Variants in RAD51B observed in about 807,000 individuals in gnomAD.
RAD51B encodes DNA repair protein RAD51 homolog 2.
In RAD51B, 38 loss-of-function variants were observed where a neutral mutation model predicts 42.2. The observed-to-expected ratio is 0.90, with a 90% confidence interval of 0.70 to 1.18. The LOEUF (loss-of-function observed/expected upper bound fraction) is 1.18. Ranked by LOEUF, RAD51B falls within the 50% of genes most tolerant of loss-of-function variation. RAD51B has a pLI of 0.00. For synonymous variants in RAD51B, 154 were observed against 145.2 expected, an observed-to-expected ratio of 1.06 and a Z score of -0.43; for missense variants, 373 against 400.7, an observed-to-expected ratio of 0.93 and a Z score of 0.59.
intron 10 of RAD51B, among the ~76,000 whole-genome samples, chr14:68,574,009 C>T (rs1003614258): frequency 2.1e-5 from 3 of 141,822 alleles, no homozygotes; most frequent in Admixed American, 6.9e-5. Context: ...TGTGTGTGCT[C>T]ACTCACATGT....
At chr14:68,269,453 A>G (rs2081060274) in intron 7 of RAD51B, among the ~76,000 whole-genome samples, 1 of 152,044 alleles carries the variant, frequency 6.6e-6, no homozygotes, top group South Asian at 2.1e-4. Context: ...GGACCTTTCT[A>G]CACATCTCCC....
intron 10 of RAD51B, among the ~76,000 whole-genome samples, chr14:68,520,313 A>G (rs1886485398): frequency 6.6e-6 from 1 of 152,208 alleles, no homozygotes; most frequent in South Asian, 2.1e-4. Context: ...CCAAAGCCAC[A>G]TGTAAAACTT....
chr14:68,403,217 T>C (rs1446807924), intron 8 of RAD51B, among the ~76,000 whole-genome samples: 1 of 152,232 alleles, frequency 6.6e-6, no homozygotes, highest in Admixed American at 6.5e-5. Flanking sequence ...CTGCAGGGAC[T>C]GGAGGGACCA....
chr14:68,355,879 A>G (rs572992732), intron 8 of RAD51B, among the ~76,000 whole-genome samples: 1 of 152,364 alleles, frequency 6.6e-6, no homozygotes, highest in East Asian at 1.9e-4. Context: ...GTGACAGTAT[A>G]TAATATTCCA....
intron 7 of RAD51B, among the ~76,000 whole-genome samples, chr14:68,272,961 G>A (rs922213366): frequency 1.3e-5 from 2 of 151,774 alleles, no homozygotes; most frequent in Non-Finnish European, 2.9e-5. Context: ...TGGGATTACA[G>A]GCGTGAGCCA....
chr14:67,991,598 AG>A (rs1357009188), intron 7 of RAD51B, among the ~76,000 whole-genome samples: 3 of 152,346 alleles, frequency 2.0e-5, no homozygotes, highest in African/African-American at 7.2e-5. Context: ...TTAACCTGGA[AG>A]GAGAACTCTG....
chr14:68,657,394 T>C (rs1011259064), intron 11 of RAD51B, among the ~76,000 whole-genome samples: 1 of 152,238 alleles, frequency 6.6e-6, no homozygotes, highest in African/African-American at 2.4e-5. Context: ...TTGCCCAGAC[T>C]GGTCTCGACC....
At chr14:68,025,612 T>C (rs1289015994) in intron 7 of RAD51B, among the ~76,000 whole-genome samples, 2 of 151,786 alleles carry the variant, frequency 1.3e-5, no homozygotes, top group East Asian at 3.9e-4. Flanking sequence ...GGAGACTGTG[T>C]GTTTCCAGGA....
intron 10 of RAD51B, among the ~76,000 whole-genome samples, chr14:68,623,764 GAATATGATGGATAA>G (rs1892007878): frequency 5.3e-5 from 8 of 152,202 alleles, no homozygotes; most frequent in Admixed American, 4.6e-4. Context: ...GAAGGTAATA[GAATATGATGGATAA>G]ACCAGTAGGG....
chr14:68,278,427 G>A (rs1372722988), intron 7 of RAD51B, among the ~76,000 whole-genome samples: 2 of 152,172 alleles, frequency 1.3e-5, no homozygotes, highest in African/African-American at 4.8e-5. Flanking sequence ...ATGGTGTTAC[G>A]ATGAGGATGA....
chr14:68,108,409 A>G (rs1464951355), intron 7 of RAD51B, among the ~76,000 whole-genome samples: 2 of 152,042 alleles, frequency 1.3e-5, no homozygotes, highest in Non-Finnish European at 2.9e-5. Context: ...AATGTGGTAT[A>G]TTTGTACAGT....
At chr14:68,244,852 C>T (rs1360790328) in intron 7 of RAD51B, among the ~76,000 whole-genome samples, 1 of 152,146 alleles carries the variant, frequency 6.6e-6, no homozygotes, top group African/African-American at 2.4e-5. Flanking sequence ...ACATGGATTT[C>T]CTAGACTTTC....
intron 10 of RAD51B, among the ~76,000 whole-genome samples, chr14:68,627,823 G>A (rs1415770046): frequency 1.3e-5 from 2 of 152,024 alleles, no homozygotes; most frequent in Non-Finnish European, 2.9e-5. Flanking sequence ...TCTTTCTTCT[G>A]CATAAAATTT....
intron 7 of RAD51B, among the ~76,000 whole-genome samples, chr14:67,907,493 C>T (rs1429200183): frequency 6.6e-6 from 1 of 152,100 alleles, no homozygotes; most frequent in Non-Finnish European, 1.5e-5. Flanking sequence ...TCTGAGGCCT[C>T]AGCTAGAAGA....
At chr14:68,639,417 C>T (rs886825678) in intron 10 of RAD51B, among the ~76,000 whole-genome samples, 5 of 27,268 alleles carry the variant, frequency 1.8e-4, no homozygotes, top group African/African-American at 1.5e-3. Flanking sequence ...ATTCCACCGG[C>T]CAGAACTCAA....
At chr14:68,345,268 A>C (rs1399565102) in intron 8 of RAD51B, among the ~76,000 whole-genome samples, 2 of 152,166 alleles carry the variant, frequency 1.3e-5, no homozygotes, top group Non-Finnish European at 2.9e-5. Flanking sequence ...GAAGGACATG[A>C]GATTTGGGGA....
intron 7 of RAD51B, among the ~76,000 whole-genome samples, chr14:67,973,903 TTTC>T (rs1434407359): frequency 6.6e-6 from 1 of 152,202 alleles, no homozygotes; most frequent in Non-Finnish European, 1.5e-5. Context: ...CATTTTCTTA[TTTC>T]TTATGTTTCT....
intron 7 of RAD51B, among the ~76,000 whole-genome samples, chr14:67,977,884 C>G (rs933311678): frequency 1.3e-5 from 2 of 152,180 alleles, no homozygotes. Flanking sequence ...AAATTTAGTT[C>G]TGTGATCTTG....
intron 10 of RAD51B, among the ~76,000 whole-genome samples, chr14:68,534,846 A>G (rs1290647105): frequency 6.6e-6 from 1 of 152,156 alleles, no homozygotes. Context: ...AACATTGTGG[A>G]TGCTCAATAC....
Sources: gnomAD v4.1 joint callset for allele counts (sites outside exome capture counted in the v4.1 genomes callset) on GRCh38, gnomAD v4.1.1 for gene constraint, MANE v1.5 for transcripts, NCBI Gene and HGNC (gene_info 2026-07-23, HGNC 2026-07-21) for gene names.